The following KCNQ1OT1 variants were observed in gnomAD, a reference collection of about 807,000 sequenced individuals.
KCNQ1OT1 encodes KCNQ1 opposite strand/antisense transcript 1, also known as KCNQ1 antisense RNA 2 (non-protein coding).
In KCNQ1OT1 at chr11:2,624,183, C is replaced by A; in HGVS notation, n.75812G>T. Reference sequence around the variant, plus strand: ...CCTAATGACGTAAGATGTGGGGCATCTTTTCATATACTTAGTTGCCATCTG... The same window carrying A: ...CCTAATGACGTAAGATGTGGGGCATATTTTCATATACTTAGTTGCCATCTG... On this transcript the variant is annotated non_coding_transcript_exon_variant, in exon 1 of 1. Transcript: ENST00000597346. This position sits in a 1 kb window ranked among gnomAD's most constrained non-coding sequence, Gnocchi z 4.9. 1 of 398,558 alleles carries A rather than the reference C, an allele frequency of 2.5e-6. No individual in the cohort carries two copies. The highest frequency in any genetic ancestry group is 4.4e-6 in the Non-Finnish European group (1 of 226,054). 24.7% of individuals were successfully genotyped at this position (398,558 alleles called of 1,614,324 possible).
Position 2,613,157 on chromosome 11 carries a change from G to A in KCNQ1OT1, n.86838C>T. ...CTCTGCTGAGGGGATCTATGTGTGG[G>A]TTGGGACATTCAAAGTTCAGGCACT... On this transcript the variant is annotated non_coding_transcript_exon_variant, in exon 1 of 1. Transcript: ENST00000597346. The surrounding 1 kb of genome is among the most constrained non-coding windows in gnomAD (Gnocchi z 4.8). 1 of 398,548 alleles carries A rather than the reference G, an allele frequency of 2.5e-6. No individual in the cohort carries two copies. The highest frequency in any genetic ancestry group is 3.6e-5 in the East Asian group (1 of 28,068). The allele number at this position is 398,548 out of a possible 1,614,324, so 24.7% of individuals were successfully genotyped here. A position where few individuals can be genotyped will look rare whatever the true frequency, so the allele number is the denominator to read the frequency against.
In KCNQ1OT1 at chr11:2,623,751, T is replaced by G; in HGVS notation, n.76244A>C. On this transcript the variant is annotated non_coding_transcript_exon_variant, in exon 1 of 1. Transcript: ENST00000597346. This position sits in a 1 kb window ranked among gnomAD's most constrained non-coding sequence, Gnocchi z 5.2. ...AAACATCTCTGTGCAGATTTTTATG[T>G]GAATATAAGTCTTCACCTCCTTTGA... 1 of 398,580 alleles carries G rather than the reference T, an allele frequency of 2.5e-6. No homozygotes were observed. The highest frequency in any genetic ancestry group is 6.3e-4 in the Middle Eastern group (1 of 1,588). 24.7% of individuals were successfully genotyped at this position (398,580 alleles called of 1,614,324 possible).
At chr11:2,622,930 C>T (rs1296215445) in exon 1 of KCNQ1OT1, 2 of 398,558 alleles carry the variant, frequency 5.0e-6, no homozygotes, top group Non-Finnish European at 8.8e-6. Flanking sequence ...TTGGGGTGTA[C>T]ATTCTGTGGG....
At chr11:2,650,258 T>A (rs1011061357) in exon 1 of KCNQ1OT1, 2 of 398,490 alleles carry the variant, frequency 5.0e-6, no homozygotes, top group African/African-American at 4.1e-5. Context: ...TAAGATTTCC[T>A]TTACTTTGGA....
At chr11:2,662,197 G>A (rs758332526) in exon 1 of KCNQ1OT1, 66 of 1,422,732 alleles carry the variant, frequency 4.6e-5, no homozygotes, top group Non-Finnish European at 6.2e-5. Flanking sequence ...CTCGCCTAGT[G>A]CCCACCACTT....
exon 1 of KCNQ1OT1, chr11:2,610,381 T>C (rs1163335983): frequency 2.5e-6 from 1 of 398,204 alleles, no homozygotes; most frequent in Non-Finnish European, 4.4e-6. Context: ...TTAAAGAAGC[T>C]GAAAGGAGAG....
At chr11:2,629,319 G>A (rs1849313579) in exon 1 of KCNQ1OT1, 1 of 398,170 alleles carries the variant, frequency 2.5e-6, no homozygotes. Flanking sequence ...TTGGTTAAAT[G>A]TATGCCTAAA....
chr11:2,620,737 C>G lies in KCNQ1OT1; in HGVS notation n.79258G>C, dbSNP rs1317219467. 2.5e-6 allele frequency: 1 copy of G among 398,532 alleles called. No individual in the cohort carries two copies. Among genetic ancestry groups the G allele is most frequent in the Non-Finnish European group, 4.4e-6 (1 of 226,050 alleles). The allele number at this position is 398,532 out of a possible 1,614,324, so 24.7% of individuals were successfully genotyped here. ...GGGATTGCTGGGTCAGATGGTAGTT[C>G]TGTTTTCAGTTATTTGAGAAAACTC... On this transcript the variant is annotated non_coding_transcript_exon_variant, in exon 1 of 1. Transcript: ENST00000597346. The surrounding 1 kb of genome is among the most constrained non-coding windows in gnomAD (Gnocchi z 4.5).
exon 1 of KCNQ1OT1, chr11:2,685,543 T>C (rs974129278): frequency 5.0e-6 from 2 of 398,574 alleles, no homozygotes; most frequent in Non-Finnish European, 8.8e-6. Flanking sequence ...AGTGGGAGGA[T>C]CTGCAGATGA....
chr11:2,659,646 A>G lies in KCNQ1OT1; in HGVS notation n.40349T>C. 1 of 398,544 alleles carries G rather than the reference A, an allele frequency of 2.5e-6. No individual in the cohort carries two copies. The highest frequency in any genetic ancestry group is 4.4e-6 in the Non-Finnish European group (1 of 226,012). 24.7% of individuals were successfully genotyped at this position (398,544 alleles called of 1,614,324 possible). On this transcript the variant is annotated non_coding_transcript_exon_variant, in exon 1 of 1. Transcript: ENST00000597346. This position sits in a 1 kb window ranked among gnomAD's most constrained non-coding sequence, Gnocchi z 4.3. The stretch of plus-strand genomic sequence containing the variant: ...AACCGATAGGTCATGTGGTATGTGT[A>G]TGTTTAACTTAATAAGAAATTGCTA...
exon 1 of KCNQ1OT1, chr11:2,650,678 C>A (rs1849743184): frequency 7.5e-6 from 3 of 398,512 alleles, no homozygotes; most frequent in South Asian, 2.5e-4. Flanking sequence ...TAAGCCTCTT[C>A]TCTGATTCTG....
rs1052324402 is a variant in KCNQ1OT1 at position 2,674,198 on chromosome 11, CA to C, written n.25796del. 1.5e-5 allele frequency: 6 copies of C among 398,544 alleles called. No homozygotes were observed. The highest frequency in any genetic ancestry group is 1.0e-4 in the African/African-American group (5 of 48,612). 24.7% of individuals were successfully genotyped at this position (398,544 alleles called of 1,614,324 possible). A position where few individuals can be genotyped will look rare whatever the true frequency, so the allele number is the denominator to read the frequency against. ...TGGGTGTGGCTGGGGAGAGCACAGC[CA>C]GTTGTGGGTTTTTCTTGGGGCCCAG... On this transcript the variant is annotated non_coding_transcript_exon_variant, in exon 1 of 1. Coordinates refer to ENST00000597346, the Ensembl canonical transcript of KCNQ1OT1. The surrounding 1 kb of genome is among the most constrained non-coding windows in gnomAD (Gnocchi z 5.9).
exon 1 of KCNQ1OT1, chr11:2,660,719 A>C: frequency 2.5e-6 from 1 of 398,642 alleles, no homozygotes; most frequent in East Asian, 3.6e-5. Flanking sequence ...TTCGGGCTTC[A>C]TTCAACACTT....
exon 1 of KCNQ1OT1, chr11:2,648,981 C>CTTTTTTTTTTTT: frequency 7.3e-4 from 155 of 213,206 alleles, no homozygotes; most frequent in African/African-American, 1.7e-3. Flanking sequence ...TTTTCTTTTT[C>CTTTTTTTTTTTT]TTTTTTTTTT....
exon 1 of KCNQ1OT1, chr11:2,662,761 CG>C (rs1336347264): frequency 5.0e-6 from 2 of 399,166 alleles, no homozygotes; most frequent in Non-Finnish European, 8.8e-6. Flanking sequence ...GCTGCTAACC[CG>C]TTGGGGATTC....
exon 1 of KCNQ1OT1, chr11:2,633,078 TTA>T (rs1164797109): frequency 5.0e-6 from 2 of 398,394 alleles, no homozygotes; most frequent in Non-Finnish European, 8.8e-6. Flanking sequence ...CCAGCATTTG[TTA>T]TGTTTTGTCT....
At position 2,613,864 on chromosome 11, in the gene KCNQ1OT1, G is replaced by C; in HGVS notation, n.86131C>G. 2.5e-6 allele frequency: 1 copy of C among 398,464 alleles called. No individual in the cohort carries two copies. 24.7% of individuals were successfully genotyped at this position (398,464 alleles called of 1,614,324 possible). Reference sequence around the variant, plus strand: ...TCTAGTTTATAGTTTGTGTGTGTTTGCTCTTTATAAGACATGATTATTTTC... The same window carrying C: ...TCTAGTTTATAGTTTGTGTGTGTTTCCTCTTTATAAGACATGATTATTTTC... On this transcript the variant is annotated non_coding_transcript_exon_variant, in exon 1 of 1. Coordinates refer to ENST00000597346, the Ensembl canonical transcript of KCNQ1OT1. The surrounding 1 kb of genome is among the most constrained non-coding windows in gnomAD (Gnocchi z 4.8).
At chr11:2,680,450 G>C (rs1432621346) in exon 1 of KCNQ1OT1, 5 of 398,012 alleles carry the variant, frequency 1.3e-5, no homozygotes, top group Non-Finnish European at 2.2e-5. Context: ...TCATTTCTGG[G>C]TATTTTTAGG....
chr11:2,647,451 G>GT lies in KCNQ1OT1; in HGVS notation n.52543dup, dbSNP rs1385378416. On this transcript the variant is annotated non_coding_transcript_exon_variant, in exon 1 of 1. Transcript: ENST00000597346. This position sits in a 1 kb window ranked among gnomAD's most constrained non-coding sequence, Gnocchi z 4.0. ...TGTTCATCAGGGAGATTGGCCTGTAGTTTTCTTTTTTGCTGTTATTGTGTC... is the reference window on the plus strand; with the variant it reads ...TGTTCATCAGGGAGATTGGCCTGTAGTTTTTCTTTTTTGCTGTTATTGTGTC... The GT allele has an allele frequency of 2.5e-6, 1 of 398,306 alleles. No homozygotes were observed. The highest frequency in any genetic ancestry group is 4.4e-5 in the Admixed American group (1 of 22,692). 24.7% of individuals were successfully genotyped at this position (398,306 alleles called of 1,614,324 possible). A position where few individuals can be genotyped will look rare whatever the true frequency, so the allele number is the denominator to read the frequency against.
Sources: allele counts gnomAD v4.1 joint callset, GRCh38; gene constraint gnomAD v4.1.1; non-coding constraint Gnocchi (gnomAD v3.1); transcripts MANE v1.5; gene names NCBI Gene and HGNC (gene_info 2026-07-23, HGNC 2026-07-21).